Variants in USH2A observed in about 807,000 individuals in gnomAD.
USH2A encodes the protein Usher syndrome 2A (autosomal recessive, mild).
In USH2A, 443 loss-of-function variants were observed where a neutral mutation model predicts 538.9. The ratio of observed to expected loss-of-function variants is 0.82; its 90% CI spans 0.76 to 0.89. The LOEUF (loss-of-function observed/expected upper bound fraction) is 0.89. USH2A is among the 40% of genes least tolerant of loss of function. The pLI, the probability that USH2A is intolerant of heterozygous loss-of-function variation, is 0.00. For missense variants in USH2A, 6,633 were observed against 6,324.8 expected (o/e 1.05, Z -1.65); for synonymous variants, 2,413 against 2,273.5 (o/e 1.06, Z -1.75).
chr1:216,241,326 T>G (rs1184859435), intron 13 of USH2A, among the ~76,000 whole-genome samples: 1 of 152,168 alleles, frequency 6.6e-6, no homozygotes, highest in African/African-American at 2.4e-5. Flanking sequence ...GCACGGAAAT[T>G]CCTAGGAAAA....
Position 215,870,080 on chromosome 1 carries a change from TG to T in USH2A, c.8682-2911del, listed in dbSNP as rs1664583415. On this transcript the variant is annotated intron_variant, in intron 43 of 71. Coordinates refer to ENST00000307340, the MANE Select transcript of USH2A (RefSeq NM_206933.4). ...AAACCCTGAGACCCTGAGAAACAAG[TG>T]GATTTGTGTAAGTTTGCACAACTAG... Among the ~76,000 whole-genome samples, 23 of 148,154 alleles carry T rather than the reference TG, an allele frequency of 1.6e-4. No homozygotes were observed. In the South Asian group the frequency reaches 4.9e-3, roughly 32 times the overall value.
intron 3 of USH2A, among the ~76,000 whole-genome samples, chr1:216,410,711 A>G (rs769172745): frequency 3.1e-4 from 47 of 152,146 alleles, no homozygotes; most frequent in Non-Finnish European, 4.3e-4. Flanking sequence ...TTTCTATTTG[A>G]GAAAAAGAAA....
chr1:215,675,433 C>A lies in USH2A; in HGVS notation c.12478G>T (p.Ala4160Ser). 1 of 1,613,948 alleles carries A rather than the reference C, an allele frequency of 6.2e-7. No individual in the cohort carries two copies. Among genetic ancestry groups the A allele is most frequent in the Non-Finnish European group, 8.5e-7 (1 of 1,179,894 alleles). The change falls in exon 63 of 72, where the codon GCT becomes TCT. Residue 4160 changes from alanine to serine, a missense_variant. Coordinates refer to ENST00000307340, the MANE Select transcript of USH2A (RefSeq NM_206933.4). ...TDEAPPDSQL[A>S]PTVHSVKSTS... ...GACTTCACAGAGTGGACAGTAGGAG[C>A]CAGCTGAGAGTCTGGAGGGGCTTCA...
rs897329077 is a variant in USH2A, at chr1:215,796,750, G to A, written c.9958+2157C>T. The stretch of plus-strand genomic sequence containing the variant: ...GCTAGGAATGATTAAGCTTATTGAG[G>A]AAGGCATGTGGAAAGCCAAGACAGG... On this transcript the variant is annotated intron_variant, in intron 50 of 71. Coordinates refer to ENST00000307340, the MANE Select transcript of USH2A (RefSeq NM_206933.4). 4.6e-5 allele frequency among the ~76,000 whole-genome samples: 7 copies of A among 152,160 alleles called. 1 individual carries two copies. The highest frequency in any genetic ancestry group is 7.3e-5 in the Non-Finnish European group (5 of 68,028).
intron 21 of USH2A, among the ~76,000 whole-genome samples, chr1:216,154,228 AG>A (rs2102622960): frequency 6.6e-6 from 1 of 152,340 alleles, no homozygotes; most frequent in Non-Finnish European, 1.5e-5. Context: ...CATTAAAAAA[AG>A]TTATTTCATT....
At chr1:215,702,687 G>C (rs1461383310) in intron 61 of USH2A, among the ~76,000 whole-genome samples, 1 of 151,030 alleles carries the variant, frequency 6.6e-6, no homozygotes, top group Admixed American at 6.6e-5. Flanking sequence ...TCTCTAAACT[G>C]GTTATTCTAG....
chr1:216,184,125 C>T (rs564861973), intron 20 of USH2A, among the ~76,000 whole-genome samples: 20 of 152,122 alleles, frequency 1.3e-4, no homozygotes, highest in Non-Finnish European at 2.5e-4. Context: ...CTTAAGTCAT[C>T]TGTCATTACC....
intron 32 of USH2A, among the ~76,000 whole-genome samples, chr1:216,028,292 G>T (rs1055070391): frequency 3.9e-5 from 6 of 152,032 alleles, no homozygotes; most frequent in African/African-American, 1.4e-4. Flanking sequence ...GGAGACTAAG[G>T]CAGGAGAATG....
At position 215,639,243 on chromosome 1, in the gene USH2A, A is replaced by G; in HGVS notation, c.14969-5T>C. 2 of 1,614,166 alleles carry G rather than the reference A, an allele frequency of 1.2e-6. No homozygotes were observed. The highest frequency in any genetic ancestry group is 1.7e-6 in the Non-Finnish European group (2 of 1,180,014). On this transcript the variant is annotated splice_polypyrimidine_tract_variant and splice_region_variant and intron_variant, in intron 68 of 71. Coordinates refer to ENST00000307340, the MANE Select transcript of USH2A (RefSeq NM_206933.4). ...AGATGACCTGGAAAAAGAAGGCTAGACAAAAGGAAGAACTGGTAAATGACT... is the reference window on the plus strand; with the variant it reads ...AGATGACCTGGAAAAAGAAGGCTAGGCAAAAGGAAGAACTGGTAAATGACT...
At chr1:215,720,748 C>A (rs1337150362) in intron 61 of USH2A, among the ~76,000 whole-genome samples, 1 of 152,074 alleles carries the variant, frequency 6.6e-6, no homozygotes, top group Non-Finnish European at 1.5e-5. Flanking sequence ...TGGACAATAA[C>A]AAATAGTAAG....
chr1:216,182,747 G>T (rs1250610542), intron 20 of USH2A, among the ~76,000 whole-genome samples: 2 of 151,946 alleles, frequency 1.3e-5, no homozygotes, highest in Non-Finnish European at 1.5e-5. Flanking sequence ...TTAAATTCTG[G>T]CAGCCACAGT....
At chr1:216,311,954 A>G (rs1417071589) in intron 9 of USH2A, among the ~76,000 whole-genome samples, 2 of 152,036 alleles carry the variant, frequency 1.3e-5, no homozygotes, top group Non-Finnish European at 2.9e-5. Context: ...TCAATTAAGG[A>G]TAAGAAAAAT....
At chr1:215,772,734 G>A (rs1481431673) in intron 55 of USH2A, among the ~76,000 whole-genome samples, 1 of 152,130 alleles carries the variant, frequency 6.6e-6, no homozygotes, top group Non-Finnish European at 1.5e-5. Flanking sequence ...ATTTCACATA[G>A]CAAGTGCTAC....
chr1:216,148,523 A>T (rs1413167681), intron 21 of USH2A, among the ~76,000 whole-genome samples: 8 of 151,104 alleles, frequency 5.3e-5, no homozygotes, highest in South Asian at 2.1e-4. Context: ...CCCTTACCCC[A>T]CTCAATGCCA....
chr1:215,997,591 G>T (rs151127306), intron 34 of USH2A, among the ~76,000 whole-genome samples: 12 of 151,648 alleles, frequency 7.9e-5, no homozygotes, highest in African/African-American at 2.4e-4. Flanking sequence ...AAATCTAGGA[G>T]ATTGATATGA....
intron 11 of USH2A, among the ~76,000 whole-genome samples, chr1:216,276,187 G>A (rs1571649657): frequency 6.6e-6 from 1 of 152,232 alleles, no homozygotes; most frequent in Non-Finnish European, 1.5e-5. Context: ...TACCAGCTTT[G>A]GTAAGGACTG....
intron 32 of USH2A, among the ~76,000 whole-genome samples, chr1:216,043,087 T>C (rs1252084340): frequency 6.6e-6 from 1 of 152,144 alleles, no homozygotes; most frequent in African/African-American, 2.4e-5. Context: ...ATACAGGTGT[T>C]CTGGGGTCTT....
intron 56 of USH2A, among the ~76,000 whole-genome samples, chr1:215,762,419 A>G (rs935656492): frequency 6.6e-6 from 1 of 152,164 alleles, no homozygotes; most frequent in African/African-American, 2.4e-5. Flanking sequence ...AATAAAATAA[A>G]ATGAAACATA....
chr1:216,357,264 ACTC>A (rs1264868670), intron 4 of USH2A, among the ~76,000 whole-genome samples: 1 of 151,896 alleles, frequency 6.6e-6, no homozygotes, highest in Non-Finnish European at 1.5e-5. Context: ...AACTAAGTAA[ACTC>A]CTATCTATAT....
Sources: gnomAD v4.1 joint callset for allele counts (sites outside exome capture counted in the v4.1 genomes callset) on GRCh38, gnomAD v4.1.1 for gene constraint, MANE v1.5 for transcripts, NCBI Gene and HGNC (gene_info 2026-07-23, HGNC 2026-07-21) for gene names.